ABL2: variants seen among roughly 807,000 people sequenced by gnomAD.
ABL2 encodes tyrosine-protein kinase ABL2.
ABL2 carries 49 observed loss-of-function variants against 107.7 expected under a neutral mutation model. That is an observed-to-expected ratio of 0.45 (90% CI 0.36 to 0.58). The LOEUF is 0.58. ABL2 is among the 20% of genes least tolerant of loss of function. The probability of loss-of-function intolerance (pLI) is 0.00; values close to 1 mark genes in which losing one functional copy is unlikely to be tolerated. For missense variants in ABL2, 1,245 were observed against 1,457.0 expected, an observed-to-expected ratio of 0.85 and a Z score of 2.37; for synonymous variants, 549 against 548.6, an observed-to-expected ratio of 1.00 and a Z score of -0.01.
intron 6 of ABL2, among the ~76,000 whole-genome samples, chr1:179,119,162 C>A (rs903781582): frequency 6.6e-6 from 1 of 152,076 alleles, no homozygotes; most frequent in South Asian, 2.1e-4. Flanking sequence ...ACTATGTGAG[C>A]CCCACCTGCA....
rs75542546 is a variant in ABL2, at chr1:179,187,486, C to A, written c.157+41755G>T. Among the ~76,000 whole-genome samples the A allele has an allele frequency of 1.6e-3, 248 of 152,142 alleles. 6 individuals carry two copies. In the East Asian group the frequency reaches 0.046, roughly 28 times the overall value. ...CAATATTTAATTTGTCAAAACTGTG[C>A]AACACAGCCTTTTTTGGAAGGCCTA... On this transcript the variant is annotated intron_variant, in intron 1 of 11. Transcript: ENST00000502732.
Position 179,139,832 on chromosome 1 carries a change from G to A in ABL2, c.158-6458C>T, listed in dbSNP as rs181130102. Reference sequence around the variant, plus strand: ...CCTACTGTGAACTGCTCAAGCAAGGGATCTAGGTTGAATGCTCCTTATGAT... The same window carrying A: ...CCTACTGTGAACTGCTCAAGCAAGGAATCTAGGTTGAATGCTCCTTATGAT... On this transcript the variant is annotated intron_variant, in intron 1 of 11. Transcript: ENST00000502732. 2.6e-5 allele frequency among the ~76,000 whole-genome samples: 4 copies of A among 152,278 alleles called. 1 individual carries two copies. Among genetic ancestry groups the A allele is most frequent in the Admixed American group, 2.0e-4 (3 of 15,300 alleles).
At chr1:179,165,288 C>A (rs1659312836) in intron 1 of ABL2, among the ~76,000 whole-genome samples, 1 of 152,092 alleles carries the variant, frequency 6.6e-6, no homozygotes, top group Non-Finnish European at 1.5e-5. Context: ...AGATCTGTGT[C>A]CCCATGTACC....
chr1:179,193,881 G>A (rs563356868), intron 1 of ABL2, among the ~76,000 whole-genome samples: 16 of 152,144 alleles, frequency 1.1e-4, no homozygotes, highest in East Asian at 3.9e-4. Context: ...ACAGACGCCC[G>A]CCACCATGTG....
At chr1:179,121,443 ATGGCAC>A in intron 5 of ABL2, 146 bp downstream of exon 5, 1 of 1,035,744 alleles carries the variant, frequency 9.7e-7, no homozygotes, top group Admixed American at 2.3e-5. Context: ...ATTGTCAGCA[ATGGCAC>A]TAGGGTTAAT....
chr1:179,174,113 C>G (rs1659886327), intron 1 of ABL2, among the ~76,000 whole-genome samples: 1 of 151,956 alleles, frequency 6.6e-6, no homozygotes, highest in Admixed American at 6.6e-5. Flanking sequence ...CATGGTGAAA[C>G]TCTGTCTCTA....
At chr1:179,183,917 AGAC>A in intron 1 of ABL2, 1 of 257,636 alleles carries the variant, frequency 3.9e-6, no homozygotes, top group South Asian at 5.4e-5. Context: ...AGACTGGAAG[AGAC>A]ATCATCAGCC....
intron 1 of ABL2, among the ~76,000 whole-genome samples, chr1:179,135,637 C>T (rs1363222913): frequency 6.0e-5 from 9 of 151,232 alleles, no homozygotes; most frequent in East Asian, 2.0e-4. Flanking sequence ...CCGCCCCATC[C>T]GGGAGGGAGG....
At position 179,126,263 on chromosome 1, in the gene ABL2, T is replaced by C; in HGVS notation, c.687+114A>G. 1 of 1,248,662 alleles carries C rather than the reference T, an allele frequency of 8.0e-7. No homozygotes were observed. Among genetic ancestry groups the C allele is most frequent in the Non-Finnish European group, 1.1e-6 (1 of 904,566 alleles). The allele number at this position is 1,248,662 out of a possible 1,614,324, so 77.3% of individuals were successfully genotyped here. ...AAAAAGCCCAAACTCACAAAGCTAG[T>C]GAATATTTTATTTCACGTCAGACAT... On this transcript the variant is annotated intron_variant, in intron 4 of 11. Coordinates refer to ENST00000502732, the MANE Select transcript of ABL2 (RefSeq NM_007314.4). This position sits in a 1 kb window ranked among gnomAD's most constrained non-coding sequence, Gnocchi z 4.4.
chr1:179,168,584 A>G (rs1441860956), intron 1 of ABL2, among the ~76,000 whole-genome samples: 1 of 152,194 alleles, frequency 6.6e-6, no homozygotes. Context: ...AAGCTCTTAG[A>G]TGCTCTTGCA....
At chr1:179,225,633 A>G (rs1663148846) in intron 1 of ABL2, among the ~76,000 whole-genome samples, 1 of 152,228 alleles carries the variant, frequency 6.6e-6, no homozygotes, top group Non-Finnish European at 1.5e-5. Flanking sequence ...AGAAGGTGCT[A>G]CTGGCATCTA....
intron 1 of ABL2, among the ~76,000 whole-genome samples, chr1:179,217,283 C>T (rs1662619107): frequency 6.6e-6 from 1 of 151,630 alleles, no homozygotes. Flanking sequence ...CATTGCACTC[C>T]AGCCTGGGTG....
At position 179,164,358 on chromosome 1, in the gene ABL2, TA is replaced by T. The variant is rs560589175; in HGVS notation, c.158-30985del. 2.0e-5 allele frequency among the ~76,000 whole-genome samples: 3 copies of T among 152,346 alleles called. No homozygotes were observed. In the East Asian group the frequency reaches 5.8e-4, roughly 29 times the overall value. ...GAATTTTGCAGCTTCACTTGAATTTTAAATTTCCACACTTATTTTAGATATA... is the reference window on the plus strand; with the variant it reads ...GAATTTTGCAGCTTCACTTGAATTTTAATTTCCACACTTATTTTAGATATA... On this transcript the variant is annotated intron_variant, in intron 1 of 11. Transcript: ENST00000502732.
intron 8 of ABL2, among the ~76,000 whole-genome samples, 196 bp from the exon 9 acceptor site, chr1:179,115,226 A>G (rs1490647897): frequency 6.6e-6 from 1 of 152,246 alleles, no homozygotes; most frequent in African/African-American, 2.4e-5. Context: ...TGCTGCAGAT[A>G]ATCTCAAGAC....
intron 1 of ABL2, among the ~76,000 whole-genome samples, chr1:179,164,403 T>C (rs2102759312): frequency 6.6e-6 from 1 of 152,280 alleles, no homozygotes; most frequent in Non-Finnish European, 1.5e-5. Flanking sequence ...CTGCTCAGAA[T>C]TGTAACAAAA....
chr1:179,135,474 G>T (rs1300712737), intron 1 of ABL2, among the ~76,000 whole-genome samples: 4 of 151,128 alleles, frequency 2.6e-5, no homozygotes, highest in African/African-American at 9.7e-5. Flanking sequence ...CGTCTGAGAA[G>T]TGAGGAGCCC....
At chr1:179,146,471 G>A (rs534969899) in intron 1 of ABL2, among the ~76,000 whole-genome samples, 1 of 152,200 alleles carries the variant, frequency 6.6e-6, no homozygotes, top group South Asian at 2.1e-4. Context: ...AGTGTTTCAG[G>A]TTTAAAATTT....
intron 1 of ABL2, among the ~76,000 whole-genome samples, chr1:179,152,836 A>G (rs1479990777): frequency 6.6e-6 from 1 of 152,246 alleles, no homozygotes; most frequent in Admixed American, 6.5e-5. Context: ...AATGGAGAAC[A>G]GACAGATTCA....
intron 4 of ABL2, among the ~76,000 whole-genome samples, chr1:179,125,023 T>C (rs1449417533): frequency 6.6e-6 from 1 of 152,196 alleles, no homozygotes; most frequent in African/African-American, 2.4e-5. Flanking sequence ...TGGCTAATAC[T>C]AATCCTTCAA....
Sources: allele counts gnomAD v4.1 joint callset (sites outside exome capture counted in the v4.1 genomes callset), GRCh38; gene constraint gnomAD v4.1.1; non-coding constraint Gnocchi (gnomAD v3.1); transcripts MANE v1.5; gene names NCBI Gene and HGNC (gene_info 2026-07-23, HGNC 2026-07-21).